Variants in WDR33 observed in about 807,000 individuals in gnomAD.
WDR33 encodes the protein WD repeat domain 33.
In WDR33, 47 loss-of-function variants were observed where a neutral mutation model predicts 164.9. The ratio of observed to expected loss-of-function variants is 0.29; its 90% CI spans 0.23 to 0.36. The LOEUF (loss-of-function observed/expected upper bound fraction) is 0.36. Among genes scored for constraint, WDR33 ranks in the 10% least tolerant of loss-of-function variants. WDR33 has a pLI of 1.00. For synonymous variants in WDR33, 505 were observed against 589.0 expected (o/e 0.86, Z 2.06); for missense variants, 1,137 against 1,754.1 (o/e 0.65, Z 6.28).
chr2:127,768,285 T>G lies in WDR33; in HGVS notation c.282A>C (p.Pro94=), dbSNP rs1473080607. The G allele has an allele frequency of 3.2e-6, 5 of 1,548,958 alleles. No homozygotes were observed. The highest frequency in any genetic ancestry group is 1.7e-4 in the Middle Eastern group (1 of 5,896). ...TAGGATTATTCAACATTCCTATAGGTGGGACCAGCTACAAAAAAGGAAAAT... is the reference window on the plus strand; with the variant it reads ...TAGGATTATTCAACATTCCTATAGGGGGGACCAGCTACAAAAAAGGAAAAT... ...PDAGYYNDLV[P]PIGMLNNPMN... is the part of the protein sequence containing the mutation. Residue 94 remains proline, a synonymous_variant, in exon 4 of 22, where the codon CCA becomes CCC. Coordinates refer to ENST00000322313, the MANE Select transcript of WDR33 (RefSeq NM_018383.5).
chr2:127,721,788 C>G lies in WDR33; in HGVS notation c.1671+48G>C. 6.4e-7 allele frequency: 1 copy of G among 1,552,990 alleles called. No individual in the cohort carries two copies. The highest frequency in any genetic ancestry group is 8.7e-7 in the Non-Finnish European group (1 of 1,153,394). On this transcript the variant is annotated intron_variant, in intron 15 of 21. Transcript: ENST00000322313. This position sits in a 1 kb window ranked among gnomAD's most constrained non-coding sequence, Gnocchi z 4.9. ...GAGCCTATCAATAAAAATGTCACCA[C>G]TACCCTCTTAGATCATCTTGAATTC...
At position 127,738,150 on chromosome 2, in the gene WDR33, C is replaced by T. The variant is rs1686909453; in HGVS notation, c.725-11373G>A. The stretch of plus-strand genomic sequence containing the variant: ...CAGATTGTGTAATTTCCAGATATGA[C>T]TGAGATTTTTTTCTATTAATGAGTA... On this transcript the variant is annotated intron_variant, in intron 7 of 21. Coordinates refer to ENST00000322313, the MANE Select transcript of WDR33 (RefSeq NM_018383.5). This position sits in a 1 kb window ranked among gnomAD's most constrained non-coding sequence, Gnocchi z 4.4. 1 of 1,168,514 alleles carries T rather than the reference C, an allele frequency of 8.6e-7. No individual in the cohort carries two copies. The highest frequency in any genetic ancestry group is 2.1e-5 in the South Asian group (1 of 48,492). The allele number at this position is 1,168,514 out of a possible 1,614,324, so 72.4% of individuals were successfully genotyped here.
chr2:127,770,584 G>C lies in WDR33; in HGVS notation c.204+194C>G, dbSNP rs1353307348. ...CAGGTGCCTATAATCCCAGCTACTT[G>C]GGAAGCTGAGGCAGGAGAATCACTT... On this transcript the variant is annotated intron_variant, in intron 2 of 21. Transcript: ENST00000322313. This position sits in a 1 kb window ranked among gnomAD's most constrained non-coding sequence, Gnocchi z 4.9. Among the ~76,000 whole-genome samples the C allele has an allele frequency of 6.6e-6, 1 of 151,984 alleles. No individual in the cohort carries two copies. Among genetic ancestry groups the C allele is most frequent in the African/African-American group, 2.4e-5 (1 of 41,364 alleles).
rs182045694 is a variant in WDR33, at chr2:127,752,325, T to C, written c.724+10737A>G. Among the ~76,000 whole-genome samples the C allele has an allele frequency of 2.5e-3, 386 of 151,608 alleles. 2 individuals carry two copies. Among genetic ancestry groups the C allele is most frequent in the East Asian group, 0.021 (108 of 5,170 alleles). On this transcript the variant is annotated intron_variant, in intron 7 of 21. Coordinates refer to ENST00000322313, the MANE Select transcript of WDR33 (RefSeq NM_018383.5). ...CTAGGCACCGGCCGGGCGCGGTGGC[T>C]CACGCCTGTAATCCCAGCACTTTGG... is the stretch of plus-strand genomic sequence containing the variant.
chr2:127,760,535 C>T (rs1335836001), intron 7 of WDR33, among the ~76,000 whole-genome samples: 3 of 152,270 alleles, frequency 2.0e-5, no homozygotes. Context: ...ACCAATCCAC[C>T]AACCCTCTGA....
chr2:127,709,699 G>C lies in WDR33; in HGVS notation c.3466C>G (p.Pro1156Ala). The C allele has an allele frequency of 6.2e-7, 1 of 1,614,170 alleles. No homozygotes were observed. The highest frequency in any genetic ancestry group is 8.5e-7 in the Non-Finnish European group (1 of 1,180,032). ...TCTTTAGTAACTCGCTCACCTCGTG[G>C]GGTACCCCGACCTCGACCTCTGAGA... Reference protein sequence around the residue: ...RDLRGRGRGTPRGGRKGLLPT... With the variant: ...RDLRGRGRGTARGGRKGLLPT... Residue 1156 changes from proline (P) to alanine (A), a missense_variant, in exon 19 of 22, where the codon CCA (proline) becomes GCA (alanine). Physicochemically the swap from Pro to Ala is conservative, Grantham distance 27. Transcript: ENST00000322313. This position sits in a 1 kb window ranked among gnomAD's most constrained non-coding sequence, Gnocchi z 5.0.
At position 127,721,737 on chromosome 2, in the gene WDR33, G is replaced by T; in HGVS notation, c.1671+99C>A. The stretch of plus-strand genomic sequence containing the variant: ...GAAATGGCGGTGTTTGTCAGACCAT[G>T]GGAGAGCCCCTTCCCTTTTCCTTAA... On this transcript the variant is annotated intron_variant, in intron 15 of 21. Transcript: ENST00000322313. This position sits in a 1 kb window ranked among gnomAD's most constrained non-coding sequence, Gnocchi z 4.9. The T allele has an allele frequency of 7.7e-7, 1 of 1,291,992 alleles. No homozygotes were observed. Among genetic ancestry groups the T allele is most frequent in the South Asian group, 1.7e-5 (1 of 57,606 alleles). The allele number at this position is 1,291,992 out of a possible 1,614,324, so 80.0% of individuals were successfully genotyped here.
In WDR33 at chr2:127,717,081, A is replaced by T; in HGVS notation, c.2869+74T>A. ...TGACCAGTCTATCAATGACTGGCCA[A>T]CAAAATTATTCACTGTAAAATGTGC... On this transcript the variant is annotated intron_variant, in intron 17 of 21. Transcript: ENST00000322313. The surrounding 1 kb of genome is among the most constrained non-coding windows in gnomAD (Gnocchi z 5.6). 1 of 1,481,058 alleles carries T rather than the reference A, an allele frequency of 6.8e-7. No individual in the cohort carries two copies. The highest frequency in any genetic ancestry group is 9.2e-7 in the Non-Finnish European group (1 of 1,082,570). 91.7% of individuals were successfully genotyped at this position (1,481,058 alleles called of 1,614,324 possible).
In WDR33 at chr2:127,738,895, G is replaced by C. The variant is rs974418088; in HGVS notation, c.725-12118C>G. On this transcript the variant is annotated intron_variant, in intron 7 of 21. Coordinates refer to ENST00000322313, the MANE Select transcript of WDR33 (RefSeq NM_018383.5). The surrounding 1 kb of genome is among the most constrained non-coding windows in gnomAD (Gnocchi z 4.4). ...AGGAGAATGGAACAAAATCTTGAAA[G>C]TGCTGAAATAGGGGGAAAAGTTTTG... is the stretch of plus-strand genomic sequence containing the variant. 6.6e-6 allele frequency among the ~76,000 whole-genome samples: 1 copy of C among 152,160 alleles called. No homozygotes were observed. The highest frequency in any genetic ancestry group is 2.4e-5 in the African/African-American group (1 of 41,438).
chr2:127,796,864 T>C (rs1322617419), intron 1 of WDR33, among the ~76,000 whole-genome samples: 1 of 152,082 alleles, frequency 6.6e-6, no homozygotes, highest in Non-Finnish European at 1.5e-5. Flanking sequence ...TCTTATATCC[T>C]TGGAGTTAAC....
At chr2:127,707,877 C>A (rs962231723) in intron 21 of WDR33, among the ~76,000 whole-genome samples, 27 of 152,150 alleles carry the variant, frequency 1.8e-4, no homozygotes, top group African/African-American at 6.3e-4. Context: ...ATCACTTGAA[C>A]CTGGGAGGCG....
chr2:127,709,857 CTG>C lies in WDR33; in HGVS notation c.3309-3_3309-2del. ...CCTCGGCGGGGCTCCTCTTCTGAAA[CTG>C]TAAAGAGAAAACAGCAGAATGTCCA... On this transcript the variant is annotated splice_acceptor_variant and splice_polypyrimidine_tract_variant and intron_variant, in intron 18 of 21. Transcript: ENST00000322313. LOFTEE classifies it high-confidence loss of function. The surrounding 1 kb of genome is among the most constrained non-coding windows in gnomAD (Gnocchi z 5.0). The C allele has an allele frequency of 6.2e-7, 1 of 1,613,494 alleles. No individual in the cohort carries two copies.
At chr2:127,780,117 GC>G (rs1336530421) in intron 1 of WDR33, among the ~76,000 whole-genome samples, 2 of 152,012 alleles carry the variant, frequency 1.3e-5, no homozygotes. Context: ...GGGAATACAG[GC>G]CCCCGCCACC....
rs1156591163 is a variant in WDR33, at chr2:127,716,434, C to T, written c.2869+721G>A. Among the ~76,000 whole-genome samples, 2 of 152,122 alleles carry T rather than the reference C, an allele frequency of 1.3e-5. No individual in the cohort carries two copies. Among genetic ancestry groups the T allele is most frequent in the Non-Finnish European group, 2.9e-5 (2 of 68,018 alleles). The stretch of plus-strand genomic sequence containing the variant: ...ATGAAAGTGTGTGTCGAACATAACA[C>T]AGTGTTTCCTCTCACTCCCCTCCAT... On this transcript the variant is annotated intron_variant, in intron 17 of 21. Transcript: ENST00000322313. This position sits in a 1 kb window ranked among gnomAD's most constrained non-coding sequence, Gnocchi z 4.5.
rs754454193 is a variant in WDR33, at chr2:127,711,751, GATATATATAT to G, written c.3308+1822_3308+1831del. Among the ~76,000 whole-genome samples the G allele has an allele frequency of 8.9e-4, 64 of 71,600 alleles. 8 individuals are homozygous for G. The highest frequency in any genetic ancestry group is 5.9e-3 in the African/African-American group (60 of 10,106). 47.0% of individuals were successfully genotyped at this position (71,600 alleles called of 152,430 possible). A position where few individuals can be genotyped will look rare whatever the true frequency, so the allele number is the denominator to read the frequency against. On this transcript the variant is annotated intron_variant, in intron 18 of 21. Coordinates refer to ENST00000322313, the MANE Select transcript of WDR33 (RefSeq NM_018383.5). ...CAACCCTAACTCAACCACATATACAGATATATATATATATATATATATATATATATTTTTT... is the reference window on the plus strand; with the variant it reads ...CAACCCTAACTCAACCACATATACAGATATATATATATATATATATTTTTT...
intron 5 of WDR33, 44 bp from the exon 6 acceptor site, chr2:127,765,023 G>GCTGACCAATATGATGAAACC (rs1558943855): frequency 6.2e-7 from 1 of 1,602,050 alleles, no homozygotes. Flanking sequence ...CTGCTTCAAA[G>GCTGACCAATATGATGAAACC]AATATATGAC....
chr2:127,768,162 C>A, intron 4 of WDR33, 27 bp downstream of exon 4: 1 of 1,401,066 alleles, frequency 7.1e-7, no homozygotes. Context: ...ATTAATTTTC[C>A]CCCAAAATAT....
In WDR33 at chr2:127,722,012, A is replaced by C. The variant is rs553043308; in HGVS notation, c.1519-24T>G. 1 of 1,605,960 alleles carries C rather than the reference A, an allele frequency of 6.2e-7. No homozygotes were observed. Among genetic ancestry groups the C allele is most frequent in the Admixed American group, 1.7e-5 (1 of 57,416 alleles). On this transcript the variant is annotated intron_variant, in intron 14 of 21. Coordinates refer to ENST00000322313, the MANE Select transcript of WDR33 (RefSeq NM_018383.5). This position sits in a 1 kb window ranked among gnomAD's most constrained non-coding sequence, Gnocchi z 5.1. ...GCCTTGGGAAAGAAGAGAATATTAA[A>C]ATGTACGCTAAGTATGAAAATTACA...
chr2:127,775,922 A>G (rs763720406), intron 1 of WDR33, among the ~76,000 whole-genome samples: 1 of 152,224 alleles, frequency 6.6e-6, no homozygotes, highest in Non-Finnish European at 1.5e-5. Context: ...AAATAAAATT[A>G]AAACAAAAAA....
Sources: gnomAD v4.1 joint callset for allele counts (sites outside exome capture counted in the v4.1 genomes callset) on GRCh38, gnomAD v4.1.1 for gene constraint, Gnocchi (gnomAD v3.1) non-coding constraint, MANE v1.5 for transcripts, NCBI Gene and HGNC (gene_info 2026-07-23, HGNC 2026-07-21) for gene names.